Variants in MKRN1 observed in about 807,000 individuals in gnomAD.
MKRN1 encodes makorin ring finger protein 1.
In MKRN1, 9 loss-of-function variants were observed where a neutral mutation model predicts 55.5. That is an observed-to-expected ratio of 0.16 (90% CI 0.10 to 0.28). The LOEUF is 0.28. Among genes scored for constraint, MKRN1 ranks in the 10% least tolerant of loss-of-function variants. MKRN1 has a pLI of 1.00. For missense variants in MKRN1, 488 were observed against 626.7 expected (o/e 0.78, Z 2.36); for synonymous variants, 253 against 235.9 (o/e 1.07, Z -0.66).
Position 140,454,851 on chromosome 7 carries a change from T to C in MKRN1, c.1237-122A>G, listed in dbSNP as rs1456268308. On this transcript the variant is annotated intron_variant, in intron 7 of 7. Coordinates refer to ENST00000255977, the MANE Select transcript of MKRN1 (RefSeq NM_013446.4). ...GACGAACCAGACTTCTTAGTTAGGG[T>C]TTCCATTTACCACTTCCTCCCCTCT... 3 of 1,138,168 alleles carry C rather than the reference T, an allele frequency of 2.6e-6. No individual in the cohort carries two copies. The East Asian group carries it at 7.5e-5, about 28-fold the overall frequency. The allele number at this position is 1,138,168 out of a possible 1,614,324, so 70.5% of individuals were successfully genotyped here.
intron 1 of MKRN1, among the ~76,000 whole-genome samples, chr7:140,472,846 G>A (rs377151535): frequency 7.2e-5 from 11 of 151,850 alleles, no homozygotes; most frequent in East Asian, 5.9e-4. Flanking sequence ...GGCCAGGCGT[G>A]GTGGCCCACA....
chr7:140,456,464 T>C, intron 5 of MKRN1, 188 bp downstream of exon 5: 1 of 1,419,266 alleles, frequency 7.0e-7, no homozygotes, highest in South Asian at 1.5e-5. Flanking sequence ...CTCATTCAAA[T>C]AAAAGTAGAT....
chr7:140,459,960 C>A (rs373210739), intron 2 of MKRN1, 24 bp from the exon 3 acceptor site: 33 of 1,589,324 alleles, frequency 2.1e-5, no homozygotes, highest in Non-Finnish European at 2.8e-5. Context: ...CAAAAGTAAG[C>A]AGTCGGCCAG....
chr7:140,467,287 C>T (rs1334635951), intron 2 of MKRN1, among the ~76,000 whole-genome samples: 1 of 151,546 alleles, frequency 6.6e-6, no homozygotes, highest in Non-Finnish European at 1.5e-5. Context: ...CCCTCCCCCA[C>T]TTTCTTTTAA....
Position 140,456,494 on chromosome 7 carries a change from C to A in MKRN1, c.986+158G>T. The A allele has an allele frequency of 4.2e-6, 6 of 1,441,812 alleles. No individual in the cohort carries two copies. The East Asian group carries it at 1.5e-4, about 36-fold the overall frequency. The allele number at this position is 1,441,812 out of a possible 1,614,324, so 89.3% of individuals were successfully genotyped here. A position where few individuals can be genotyped will look rare whatever the true frequency, so the allele number is the denominator to read the frequency against. The stretch of plus-strand genomic sequence containing the variant: ...GTAGATAGACCAACTAACCTAGAAG[C>A]TAGCTGAAATACAAAGAAGAAATCC... On this transcript the variant is annotated intron_variant, in intron 5 of 7. Transcript: ENST00000255977.
At chr7:140,473,485 C>A (rs571287773) in intron 1 of MKRN1, among the ~76,000 whole-genome samples, 26 of 152,326 alleles carry the variant, frequency 1.7e-4, no homozygotes, top group Non-Finnish European at 2.8e-4. Context: ...TATCTCTAGG[C>A]ATCTTAACAA....
chr7:140,470,824 G>A (rs1203780452), intron 2 of MKRN1, among the ~76,000 whole-genome samples: 1 of 151,848 alleles, frequency 6.6e-6, no homozygotes, highest in Non-Finnish European at 1.5e-5. Flanking sequence ...AACTGAGGCA[G>A]GAGAATTGCT....
At chr7:140,477,856 T>C (rs1341322862) in intron 1 of MKRN1, among the ~76,000 whole-genome samples, 2 of 152,228 alleles carry the variant, frequency 1.3e-5, no homozygotes, top group Non-Finnish European at 2.9e-5. Context: ...TTCAAATAAT[T>C]TGCTCCATGA....
At chr7:140,466,194 A>G (rs1794760519) in intron 2 of MKRN1, among the ~76,000 whole-genome samples, 1 of 152,200 alleles carries the variant, frequency 6.6e-6, no homozygotes, top group South Asian at 2.1e-4. Flanking sequence ...TCCACAATCA[A>G]CCTTTTAATA....
chr7:140,459,959 G>T, intron 2 of MKRN1, 23 bp from the exon 3 acceptor site: 2 of 1,598,366 alleles, frequency 1.3e-6, no homozygotes, highest in Non-Finnish European at 1.7e-6. Flanking sequence ...TCAAAAGTAA[G>T]CAGTCGGCCA....
chr7:140,471,872 C>T lies in MKRN1; in HGVS notation c.314+11G>A, dbSNP rs563624738. The T allele has an allele frequency of 3.7e-6, 6 of 1,610,924 alleles. No individual in the cohort carries two copies. The South Asian group carries it at 5.5e-5, about 15-fold the overall frequency. On this transcript the variant is annotated intron_variant, in intron 2 of 7. Coordinates refer to ENST00000255977, the MANE Select transcript of MKRN1 (RefSeq NM_013446.4). The stretch of plus-strand genomic sequence containing the variant: ...ACCCACCCCTGAACAAATTTATAAA[C>T]AAATTCTTACCTGCAGCGGTCTCCA...
In MKRN1 at chr7:140,459,110, C is replaced by T. The variant is rs1794546425; in HGVS notation, c.668G>A (p.Arg223Gln). The change falls in exon 4 of 8, where the codon CGA becomes CAA. Residue 223 changes from arginine (R) to glutamine (Q), a missense_variant. Transcript: ENST00000255977. ...LCPYAAVGEC[R>Q]YGENCVYLHG... ...GAGATACACACAGTTCTCCCCGTAT[C>T]GGCACTCTCCCACTGCAGCATAGGG... The T allele has an allele frequency of 6.2e-7, 1 of 1,613,838 alleles. No individual in the cohort carries two copies.
In MKRN1 at chr7:140,479,505, C is replaced by T. The variant is rs1433849620; in HGVS notation, c.-161G>A. The T allele has an allele frequency of 2.7e-6, 2 of 727,568 alleles. No individual in the cohort carries two copies. Among genetic ancestry groups the T allele is most frequent in the African/African-American group, 1.8e-5 (1 of 54,446 alleles). 45.1% of individuals were successfully genotyped at this position (727,568 alleles called of 1,614,324 possible). On this transcript the variant is annotated 5_prime_UTR_variant, in exon 1 of 8. Transcript: ENST00000255977. Reference sequence around the variant, plus strand: ...TACGCGTCGCGTATCTGAGCGCTCTCGCCACTTCAACTGCGGGCCCAGAGC... The same window carrying T: ...TACGCGTCGCGTATCTGAGCGCTCTTGCCACTTCAACTGCGGGCCCAGAGC...
At chr7:140,474,006 AAAGAAAGAAAGAAAGAAAGAAAG>A (rs1795027225) in intron 1 of MKRN1, among the ~76,000 whole-genome samples, 1 of 9,584 alleles carries the variant, frequency 1.0e-4, no homozygotes. Context: ...AAAAAAAAAA[AAAGAAAGAAAGAAAGAAAGAAAG>A]AAAGAAAGAA....
intron 1 of MKRN1, among the ~76,000 whole-genome samples, chr7:140,474,716 TCTTTC>T (rs1363923878): frequency 5.0e-4 from 71 of 141,898 alleles, no homozygotes; most frequent in Non-Finnish European, 9.3e-4. Flanking sequence ...AGGATTTCCT[TCTTTC>T]TTTTTTTTTT....
At chr7:140,473,341 TAA>T (rs1039860781) in intron 1 of MKRN1, 1 of 409,126 alleles carries the variant, frequency 2.4e-6, no homozygotes, top group Non-Finnish European at 4.7e-6. Context: ...CACTGTGCAG[TAA>T]AAGACAAAAT....
intron 2 of MKRN1, among the ~76,000 whole-genome samples, chr7:140,463,658 G>C (rs927441260): frequency 6.6e-6 from 1 of 152,012 alleles, no homozygotes; most frequent in Admixed American, 6.6e-5. Flanking sequence ...GGCCAAGGTG[G>C]GCGGATCACA....
chr7:140,474,005 A>AAAAAGAAAGAAAGAAAGAAAGAAAG (rs1336764327), intron 1 of MKRN1, among the ~76,000 whole-genome samples: 1 of 65,658 alleles, frequency 1.5e-5, no homozygotes, highest in East Asian at 3.6e-4. Context: ...AAAAAAAAAA[A>AAAAAGAAAGAAAGAAAGAAAGAAAG]AAAGAAAGAA....
At chr7:140,458,784 T>C (rs1794537441) in intron 4 of MKRN1, among the ~76,000 whole-genome samples, 1 of 152,184 alleles carries the variant, frequency 6.6e-6, no homozygotes, top group Admixed American at 6.5e-5. Context: ...GCCTAACAAG[T>C]AGCTGGGACT....
Sources: allele counts gnomAD v4.1 joint callset (sites outside exome capture counted in the v4.1 genomes callset), GRCh38; gene constraint gnomAD v4.1.1; transcripts MANE v1.5; gene names NCBI Gene and HGNC (gene_info 2026-07-23, HGNC 2026-07-21).